IL34: variants seen among roughly 807,000 people sequenced by gnomAD.
IL34 encodes interleukin-34.
IL34 carries 17 observed loss-of-function variants against 25.3 expected under a neutral mutation model. The ratio of observed to expected loss-of-function variants is 0.67; its 90% confidence interval spans 0.46 to 1.01. IL34 has a LOEUF of 1.01. Ranked by LOEUF, IL34 falls within the 50% of genes least tolerant of loss-of-function variation. IL34 has a pLI of 0.00. For synonymous variants in IL34, 174 were observed against 140.9 expected (o/e 1.23, Z -1.66); for missense variants, 368 against 312.9 (o/e 1.18, Z -1.33).
chr16:70,650,959 C>T (rs1318595662), intron 1 of IL34, among the ~76,000 whole-genome samples: 2 of 152,246 alleles, frequency 1.3e-5, no homozygotes, highest in Non-Finnish European at 2.9e-5. Context: ...GCCTGTAATC[C>T]CAGCACTTTG....
chr16:70,624,855 TG>T (rs2051357197), intron 1 of IL34, among the ~76,000 whole-genome samples: 1 of 151,704 alleles, frequency 6.6e-6, no homozygotes. Context: ...CAGATGGGTC[TG>T]TAGAAAAGGA....
intron 1 of IL34, among the ~76,000 whole-genome samples, chr16:70,626,027 A>G (rs941512844): frequency 6.6e-6 from 1 of 152,230 alleles, no homozygotes; most frequent in Non-Finnish European, 1.5e-5. Context: ...ATGCGCGTCC[A>G]TGAGAAGAGA....
At chr16:70,625,543 C>T (rs758978048) in intron 1 of IL34, among the ~76,000 whole-genome samples, 5 of 152,028 alleles carry the variant, frequency 3.3e-5, no homozygotes, top group African/African-American at 1.2e-4. Context: ...GCCCCTCCCC[C>T]AGAAAAGCGG....
At chr16:70,644,509 T>C (rs956105884), upstream of IL34, among the ~76,000 whole-genome samples, 4 of 152,124 alleles carry the variant, frequency 2.6e-5, no homozygotes, top group Admixed American at 2.6e-4. Flanking sequence ...TTGATTATTA[T>C]AGTAATTACA....
chr16:70,623,110 G>T (rs1377434314), intron 1 of IL34, among the ~76,000 whole-genome samples: 1 of 152,068 alleles, frequency 6.6e-6, no homozygotes, highest in Non-Finnish European at 1.5e-5. Context: ...GGTAACAGAT[G>T]AGGATGAAAT....
intron 1 of IL34, among the ~76,000 whole-genome samples, chr16:70,598,616 A>G (rs2050859975): frequency 6.6e-6 from 1 of 152,060 alleles, no homozygotes; most frequent in African/African-American, 2.4e-5. Context: ...GCGCATACCT[A>G]TAATCCCAGC....
In IL34 at chr16:70,604,184, C is replaced by T. The variant is rs551035762; in HGVS notation, c.-401+24135C>T. Among the ~76,000 whole-genome samples, 2 of 152,206 alleles carry T rather than the reference C, an allele frequency of 1.3e-5. 1 individual carries two copies. Among genetic ancestry groups the T allele is most frequent in the Admixed American group, 1.3e-4 (2 of 15,292 alleles). On this transcript the variant is annotated intron_variant, in intron 1 of 6. Transcript: ENST00000429149. ...GAATAGCAAAGCCTGTAAGCCAGGCCCTGGGAGGGGCAGGGATGTCCTCCA... is the reference window on the plus strand; with the variant it reads ...GAATAGCAAAGCCTGTAAGCCAGGCTCTGGGAGGGGCAGGGATGTCCTCCA...
upstream of IL34, among the ~76,000 whole-genome samples, chr16:70,644,933 GGAAGA>G (rs2051883098): frequency 2.6e-5 from 1 of 38,958 alleles, no homozygotes; most frequent in Non-Finnish European, 4.6e-5. Flanking sequence ...GGAGGAAGGA[GGAAGA>G]GGAGGAAGGA....
At chr16:70,598,152 A>G (rs2050851838) in intron 1 of IL34, among the ~76,000 whole-genome samples, 1 of 151,996 alleles carries the variant, frequency 6.6e-6, no homozygotes, top group African/African-American at 2.4e-5. Flanking sequence ...GGTTGAAGGG[A>G]CAGTTCCTTA....
intron 1 of IL34, among the ~76,000 whole-genome samples, chr16:70,610,336 C>G (rs1353022965): frequency 6.6e-6 from 1 of 152,166 alleles, no homozygotes; most frequent in Non-Finnish European, 1.5e-5. Context: ...AGTCTTGTGC[C>G]TGTTTTCCTC....
Position 70,630,770 on chromosome 16 carries a change from G to A in IL34, c.-400-15778G>A, listed in dbSNP as rs1038388780. 7.9e-5 allele frequency among the ~76,000 whole-genome samples: 12 copies of A among 151,870 alleles called. No homozygotes were observed. In the South Asian group the frequency reaches 8.3e-4, roughly 11 times the overall value. The stretch of plus-strand genomic sequence containing the variant: ...TATTTTTTTGTAGAGACGGGGTTTC[G>A]CCATGTTGCCCAGGCTGGCCTCAAA... On this transcript the variant is annotated intron_variant, in intron 1 of 6. Transcript: ENST00000429149.
At chr16:70,630,898 T>C (rs2051503894) in intron 1 of IL34, among the ~76,000 whole-genome samples, 1 of 152,216 alleles carries the variant, frequency 6.6e-6, no homozygotes, top group South Asian at 2.1e-4. Flanking sequence ...CATCTGCTGA[T>C]GGGCACTCAG....
At chr16:70,604,928 G>C (rs530124889) in intron 1 of IL34, among the ~76,000 whole-genome samples, 1 of 149,112 alleles carries the variant, frequency 6.7e-6, no homozygotes, top group South Asian at 2.1e-4. Context: ...ATGTGTGTGT[G>C]TGCATGTCTG....
At chr16:70,608,205 T>G (rs4467065) in intron 1 of IL34, among the ~76,000 whole-genome samples, 16,936 of 148,834 alleles carry the variant, frequency 0.11, 1,411 homozygotes, top group African/African-American at 0.23. Context: ...CTCGGCTCAC[T>G]GCAACCTCTG....
intron 1 of IL34, among the ~76,000 whole-genome samples, chr16:70,652,731 A>G (rs1041442459): frequency 6.6e-6 from 1 of 152,068 alleles, no homozygotes; most frequent in African/African-American, 2.4e-5. Flanking sequence ...TTTTCTTCCA[A>G]TTTATTCCTA....
intron 1 of IL34, among the ~76,000 whole-genome samples, chr16:70,599,099 G>GT (rs1305827098): frequency 7.2e-5 from 11 of 152,358 alleles, no homozygotes; most frequent in Non-Finnish European, 1.3e-4. Flanking sequence ...GCAAGAGATG[G>GT]TGGGGGTCAA....
chr16:70,643,309 C>T (rs1247571819), upstream of IL34, among the ~76,000 whole-genome samples: 1 of 152,210 alleles, frequency 6.6e-6, no homozygotes, highest in Non-Finnish European at 1.5e-5. Context: ...GGTGATCCAC[C>T]TGCCTTGGCC....
In IL34 at chr16:70,621,218, C is replaced by A. The variant is rs546638065; in HGVS notation, c.-400-25330C>A. Among the ~76,000 whole-genome samples, 108 of 152,236 alleles carry A rather than the reference C, an allele frequency of 7.1e-4. 1 individual carries two copies. The highest frequency in any genetic ancestry group is 1.0e-3 in the Admixed American group (16 of 15,280). ...GCAGGCGTCCCTGCATGGTCTGACACCCTTGAAGCGTGCCTGTATAATCAG... is the reference window on the plus strand; with the variant it reads ...GCAGGCGTCCCTGCATGGTCTGACAACCTTGAAGCGTGCCTGTATAATCAG... On this transcript the variant is annotated intron_variant, in intron 1 of 6. Transcript: ENST00000429149.
intron 1 of IL34, among the ~76,000 whole-genome samples, chr16:70,621,400 G>GACGCCAA (rs1324742924): frequency 1.3e-5 from 2 of 152,068 alleles, no homozygotes. Flanking sequence ...ATTGAAGAGT[G>GACGCCAA]GAAAGAAGAA....
Sources: allele counts gnomAD v4.1 joint callset (sites outside exome capture counted in the v4.1 genomes callset), GRCh38; gene constraint gnomAD v4.1.1; transcripts MANE v1.5; gene names NCBI Gene and HGNC (gene_info 2026-07-23, HGNC 2026-07-21).